The following EFCAB14 variants were observed in gnomAD, a reference collection of about 807,000 sequenced individuals.
EFCAB14 encodes the protein EF-hand calcium-binding domain-containing protein 14.
EFCAB14 carries 43 observed loss-of-function variants against 56.5 expected under a neutral mutation model. That is an observed-to-expected ratio of 0.76 (90% CI 0.60 to 0.98). The LOEUF is 0.98. Ranked by LOEUF, EFCAB14 falls within the 50% of genes least tolerant of loss-of-function variation. The pLI is 0.00. For missense variants in EFCAB14, 538 were observed against 580.3 expected (o/e 0.93, Z 0.75); for synonymous variants, 235 against 212.9 (o/e 1.10, Z -0.90).
At chr1:46,716,179 G>T in intron 2 of EFCAB14, 116 bp downstream of exon 2, 1 of 1,125,310 alleles carries the variant, frequency 8.9e-7, no homozygotes, top group Non-Finnish European at 1.2e-6. Context: ...AACCTGGGTG[G>T]CGGATGTTGC....
intron 10 of EFCAB14, 169 bp downstream of exon 10, chr1:46,683,131 T>G: frequency 4.2e-6 from 3 of 706,660 alleles, no homozygotes; most frequent in Non-Finnish European, 6.6e-6. Flanking sequence ...AATACTTATG[T>G]TCATGGGATG....
At chr1:46,689,801 T>C in intron 5 of EFCAB14, 110 bp from the exon 6 acceptor site, 3 of 902,476 alleles carry the variant, frequency 3.3e-6, no homozygotes, top group South Asian at 1.5e-5. Flanking sequence ...CATCCACAGA[T>C]TAATCAGTAA....
rs746177817 is a variant in EFCAB14, at chr1:46,707,937, A to G, written c.449T>C (p.Val150Ala). 17 of 1,611,280 alleles carry G rather than the reference A, an allele frequency of 1.1e-5. No homozygotes were observed. In the South Asian group the frequency reaches 1.5e-4, roughly 15 times the overall value. Residue 150 changes from valine to alanine, a missense_variant, in exon 3 of 11, where the codon GTC (valine) becomes GCC (alanine). Physicochemically the swap from Val to Ala is moderately conservative, Grantham distance 64 (BLOSUM62 0). Transcript: ENST00000371933. ...ATTCATTTCTGTGATGTTTATCCAGACTTTGTTCAAACCCATCTCTCCAGA... is the reference window on the plus strand; with the variant it reads ...ATTCATTTCTGTGATGTTTATCCAGGCTTTGTTCAAACCCATCTCTCCAGA... ...IESGEMGLNK[V>A]WINITEMNKQ...
chr1:46,684,445 C>T (rs754200074), intron 9 of EFCAB14, 46 bp downstream of exon 9: 8 of 1,510,270 alleles, frequency 5.3e-6, no homozygotes, highest in Non-Finnish European at 7.4e-6. Flanking sequence ...GAGAGGCAAG[C>T]TGCTCAAGCC....
rs1346843561 is a variant in EFCAB14, at chr1:46,689,610, T to C, written c.772A>G (p.Thr258Ala). The C allele has an allele frequency of 6.2e-7, 1 of 1,613,716 alleles. No individual in the cohort carries two copies. The highest frequency in any genetic ancestry group is 8.5e-7 in the Non-Finnish European group (1 of 1,179,794). ...PSATSELDNK[T>A]HSENLKQDIL... ...ACCTGTTTCAAATTCTCACTGTGGG[T>C]TTTATTGTCAAGTTCTGATGTGGCT... Residue 258 changes from threonine to alanine, a missense_variant, in exon 6 of 11, where the codon ACC becomes GCC. Transcript: ENST00000371933.
intron 4 of EFCAB14, among the ~76,000 whole-genome samples, chr1:46,694,061 T>C (rs954586665): frequency 1.8e-4 from 27 of 152,320 alleles, no homozygotes; most frequent in African/African-American, 6.0e-4. Flanking sequence ...TCCTTACACC[T>C]TATACAAAAA....
chr1:46,706,406 T>C (rs1019627770), intron 3 of EFCAB14, among the ~76,000 whole-genome samples: 7 of 152,182 alleles, frequency 4.6e-5, no homozygotes, highest in African/African-American at 1.7e-4. Context: ...TGAAAATCTA[T>C]GTGTTTTCTC....
At chr1:46,707,211 CT>C (rs1253987424) in intron 3 of EFCAB14, among the ~76,000 whole-genome samples, 1 of 152,182 alleles carries the variant, frequency 6.6e-6, no homozygotes, top group Non-Finnish European at 1.5e-5. Context: ...TGGTACTTGA[CT>C]TTTCTTTTCT....
chr1:46,716,144 G>A (rs1211430526), intron 2 of EFCAB14, 151 bp downstream of exon 2: 5 of 882,776 alleles, frequency 5.7e-6, no homozygotes, highest in Non-Finnish European at 8.3e-6. Context: ...CAGTTACTCA[G>A]AAGGCTGACC....
At chr1:46,694,784 T>C (rs1463147114) in intron 4 of EFCAB14, among the ~76,000 whole-genome samples, 1 of 152,202 alleles carries the variant, frequency 6.6e-6, no homozygotes, top group Non-Finnish European at 1.5e-5. Flanking sequence ...CACACTTATG[T>C]TTATTGCGGC....
chr1:46,710,217 A>T (rs888050862), intron 2 of EFCAB14, among the ~76,000 whole-genome samples: 4 of 152,232 alleles, frequency 2.6e-5, no homozygotes, highest in African/African-American at 9.6e-5. Flanking sequence ...TTAAAAAAAA[A>T]TTGATATATG....
At chr1:46,716,785 T>C (rs1677402797) in intron 1 of EFCAB14, among the ~76,000 whole-genome samples, 2 of 152,234 alleles carry the variant, frequency 1.3e-5, no homozygotes, top group Non-Finnish European at 2.9e-5. Context: ...TGCAATTCCA[T>C]CTCTGCACTG....
Position 46,716,441 on chromosome 1 carries a change from C to CT in EFCAB14, c.187_188insA (p.Gly63GlufsTer53). On this transcript the variant is annotated frameshift_variant and splice_region_variant, in exon 2 of 11. Transcript: ENST00000371933. LOFTEE classifies it high-confidence loss of function. ...GATCTTGCAGCATCGTAAATAGTCT[C>CT]CCCTGCTCAAGAGGACAAATTCAAC... The CT allele has an allele frequency of 6.2e-7, 1 of 1,613,874 alleles. No homozygotes were observed. The highest frequency in any genetic ancestry group is 8.5e-7 in the Non-Finnish European group (1 of 1,179,948).
At chr1:46,692,344 C>A (rs1436029506) in intron 4 of EFCAB14, among the ~76,000 whole-genome samples, 1 of 152,222 alleles carries the variant, frequency 6.6e-6, no homozygotes, top group Non-Finnish European at 1.5e-5. Context: ...GTTTATCTCT[C>A]CCCCTGCTCA....
At chr1:46,704,205 C>A (rs1033624440) in intron 3 of EFCAB14, among the ~76,000 whole-genome samples, 3 of 150,408 alleles carry the variant, frequency 2.0e-5, no homozygotes, top group Non-Finnish European at 4.4e-5. Flanking sequence ...GTAATCCCAG[C>A]ACTTTGGGAG....
Position 46,718,187 on chromosome 1 carries a change from G to C in EFCAB14, c.-100C>G. 1 of 1,330,484 alleles carries C rather than the reference G, an allele frequency of 7.5e-7. No homozygotes were observed. The highest frequency in any genetic ancestry group is 1.0e-6 in the Non-Finnish European group (1 of 964,546). The allele number at this position is 1,330,484 out of a possible 1,614,324, so 82.4% of individuals were successfully genotyped here. A position where few individuals can be genotyped will look rare whatever the true frequency, so the allele number is the denominator to read the frequency against. ...CCTTGGAGCTGCCTTCCAGGGTTGG[G>C]AATCCTGGGCCAGAGCCCCCTGGTC... is the stretch of plus-strand genomic sequence containing the variant. On this transcript the variant is annotated 5_prime_UTR_variant, in exon 1 of 11. Coordinates refer to ENST00000371933, the MANE Select transcript of EFCAB14 (RefSeq NM_014774.3).
chr1:46,694,395 A>G (rs1677046958), intron 4 of EFCAB14, among the ~76,000 whole-genome samples: 2 of 152,250 alleles, frequency 1.3e-5, no homozygotes, highest in Admixed American at 6.5e-5. Context: ...AAAATCAAAC[A>G]ACCCCATCAA....
intron 10 of EFCAB14, among the ~76,000 whole-genome samples, chr1:46,679,251 G>C (rs1676748298): frequency 6.6e-6 from 1 of 152,294 alleles, no homozygotes; most frequent in Middle Eastern, 3.4e-3. Context: ...GCTCAAAGAG[G>C]AAAGTAACTT....
chr1:46,696,709 C>T, intron 3 of EFCAB14, 60 bp from the exon 4 acceptor site: 2 of 1,482,696 alleles, frequency 1.3e-6, no homozygotes, highest in South Asian at 2.3e-5. Flanking sequence ...GGACACGTTA[C>T]CTTCACAAAC....
Sources: allele counts gnomAD v4.1 joint callset (sites outside exome capture counted in the v4.1 genomes callset), GRCh38; gene constraint gnomAD v4.1.1; transcripts MANE v1.5; gene names NCBI Gene and HGNC (gene_info 2026-07-23, HGNC 2026-07-21).